The following PDLIM2 variants were observed in gnomAD, a reference collection of about 807,000 sequenced individuals.
The protein encoded by PDLIM2 is PDZ and LIM domain protein 2.
In PDLIM2, 51 loss-of-function variants were observed where a neutral mutation model predicts 54.1. The observed-to-expected ratio is 0.94, with a 90% CI of 0.75 to 1.19. The LOEUF is 1.19. PDLIM2 is among the 50% of genes most tolerant of loss of function. The pLI is 0.00. For synonymous variants in PDLIM2, 398 were observed against 385.6 expected, an observed-to-expected ratio of 1.03 and a Z score of -0.38; for missense variants, 912 against 874.0, an observed-to-expected ratio of 1.04 and a Z score of -0.55.
downstream of PDLIM2, chr8:22,594,424 C>T (rs1275835152): frequency 3.2e-5 from 50 of 1,586,240 alleles, no homozygotes; most frequent in Non-Finnish European, 4.0e-5. Flanking sequence ...AAATCCCACC[C>T]CTGCCAGTTG....
At chr8:22,579,198 C>G in exon 1 of PDLIM2, 1 of 1,385,172 alleles carries the variant, frequency 7.2e-7, no homozygotes, top group African/African-American at 1.5e-5. Flanking sequence ...GCCTGGGCGC[C>G]CAGCCGGACA....
exon 9 of PDLIM2, chr8:22,591,600 G>T: frequency 1.2e-6 from 2 of 1,613,590 alleles, no homozygotes; most frequent in Non-Finnish European, 1.7e-6. Flanking sequence ...AGTCCTCCCT[G>T]CCCGCCTCCA....
intron 5 of PDLIM2, 60 bp from the exon 5 acceptor site, chr8:22,585,261 C>T: frequency 1.9e-6 from 3 of 1,600,848 alleles, no homozygotes; most frequent in Non-Finnish European, 2.6e-6. Context: ...CCCGGGGCAG[C>T]ATCCTCCCTG....
exon 3 of PDLIM2, chr8:22,581,420 T>A (rs1800199620): frequency 6.2e-7 from 1 of 1,608,122 alleles, no homozygotes; most frequent in Non-Finnish European, 8.5e-7. Context: ...ACCTCCGGCC[T>A]GGAGACATAA....
chr8:22,591,526 A>G, intron 8 of PDLIM2, 25 bp from the exon 8 acceptor site: 1 of 1,602,228 alleles, frequency 6.2e-7, no homozygotes, highest in Non-Finnish European at 8.5e-7. Context: ...GGCTCTCACC[A>G]CATGTCTGTC....
At chr8:22,589,624 C>G in exon 8 of PDLIM2, 1 of 1,600,490 alleles carries the variant, frequency 6.2e-7, no homozygotes, top group Non-Finnish European at 8.5e-7. Context: ...AAGCCTCCTC[C>G]TGGACGAGGA....
rs1800322136 is a variant in PDLIM2, at chr8:22,584,806, C to T, written c.996-15C>T. On this transcript the variant is annotated splice_polypyrimidine_tract_variant and intron_variant, in intron 3 of 9. Coordinates refer to ENST00000308354, the Ensembl canonical transcript of PDLIM2. ...AGGGCCCCTGTGACATTCCCTCCCT[C>T]TGTTGCCTTCTCAGGTCTCAGGCTA... The T allele has an allele frequency of 1.2e-6, 2 of 1,613,740 alleles. No individual in the cohort carries two copies. The highest frequency in any genetic ancestry group is 1.7e-6 in the Non-Finnish European group (2 of 1,179,632).
At chr8:22,586,827 C>G (rs568450939) in intron 6 of PDLIM2, among the ~76,000 whole-genome samples, 1 of 152,268 alleles carries the variant, frequency 6.6e-6, no homozygotes, top group East Asian at 1.9e-4. Flanking sequence ...CCCAAACCAG[C>G]GGCAACACCT....
chr8:22,581,253 G>C lies in PDLIM2; in HGVS notation c.844-126G>C. The C allele has an allele frequency of 2.4e-6, 3 of 1,236,704 alleles. No individual in the cohort carries two copies. The South Asian group carries it at 4.3e-5, about 18-fold the overall frequency. 76.6% of individuals were successfully genotyped at this position (1,236,704 alleles called of 1,614,324 possible). A position where few individuals can be genotyped will look rare whatever the true frequency, so the allele number is the denominator to read the frequency against. On this transcript the variant is annotated intron_variant, in intron 2 of 9. Transcript: ENST00000308354. ...CAGCTGGGTGTCATGAGCAGGCAGA[G>C]GGACATGCAGGAGGGTGCAGGCCGG...
At chr8:22,592,687 C>T (rs1800586075) in intron 9 of PDLIM2, 1 of 152,080 alleles carries the variant, frequency 6.6e-6, no homozygotes, top group East Asian at 1.9e-4. Context: ...GATGGCTGGG[C>T]CCCACCCCAG....
intron 6 of PDLIM2, among the ~76,000 whole-genome samples, chr8:22,586,120 A>G (rs1202258296): frequency 1.3e-5 from 2 of 152,150 alleles, no homozygotes; most frequent in Non-Finnish European, 2.9e-5. Context: ...GATATGGCCC[A>G]GCTGCTGAGC....
chr8:22,580,412 G>C (rs1800154019), intron 1 of PDLIM2, 63 bp from the exon 1 acceptor site: 1 of 1,357,014 alleles, frequency 7.4e-7, no homozygotes, highest in East Asian at 2.6e-5. Context: ...GCTTCCCAGG[G>C]TGGGGGGAAG....
chr8:22,583,618 T>C (rs1800276900), intron 3 of PDLIM2, among the ~76,000 whole-genome samples: 1 of 151,672 alleles, frequency 6.6e-6, no homozygotes, highest in Admixed American at 6.6e-5. Flanking sequence ...ATACAAAAAT[T>C]AGCCGGGCAT....
chr8:22,581,636 C>T (rs976411328), intron 3 of PDLIM2, 106 bp downstream of exon 2: 74 of 1,414,442 alleles, frequency 5.2e-5, no homozygotes, highest in Non-Finnish European at 6.1e-5. Context: ...AGCCCTAAAG[C>T]GGCCTTCTTG....
intron 3 of PDLIM2, among the ~76,000 whole-genome samples, chr8:22,583,966 AC>A (rs1800291028): frequency 6.6e-6 from 1 of 151,272 alleles, no homozygotes; most frequent in African/African-American, 2.4e-5. Context: ...ACTTTTTAGA[AC>A]CAAACTATCC....
chr8:22,581,412 C>G, exon 3 of PDLIM2: 1 of 1,607,594 alleles, frequency 6.2e-7, no homozygotes, highest in Non-Finnish European at 8.5e-7. Context: ...GGACGCTGAC[C>G]TCCGGCCTGG....
chr8:22,585,304 C>A lies in PDLIM2; in HGVS notation c.1212-17C>A, dbSNP rs1431322805. ...TGGGGGTGGCCCTGGCACACACTGTCCCTTTCCCACTTTCAGCTTCCAGAG... is the reference window on the plus strand; with the variant it reads ...TGGGGGTGGCCCTGGCACACACTGTACCTTTCCCACTTTCAGCTTCCAGAG... On this transcript the variant is annotated splice_polypyrimidine_tract_variant and intron_variant, in intron 5 of 9. Transcript: ENST00000308354. 4 of 1,612,714 alleles carry A rather than the reference C, an allele frequency of 2.5e-6. No individual in the cohort carries two copies. Among genetic ancestry groups the A allele is most frequent in the Non-Finnish European group, 3.4e-6 (4 of 1,179,766 alleles).
chr8:22,580,736 A>G (rs1336735924), intron 2 of PDLIM2, 39 bp downstream of exon 1: 2 of 1,602,938 alleles, frequency 1.2e-6, no homozygotes, highest in Admixed American at 3.4e-5. Context: ...AGGTCCTGCC[A>G]GAAGCGAGGT....
At chr8:22,579,259 C>T in exon 1 of PDLIM2, 1 of 1,356,800 alleles carries the variant, frequency 7.4e-7, no homozygotes, top group Non-Finnish European at 9.4e-7. Context: ...CCGCGCGGCC[C>T]GCCCTCCCCG....
Sources: gnomAD v4.1 joint callset for allele counts (sites outside exome capture counted in the v4.1 genomes callset) on GRCh38, gnomAD v4.1.1 for gene constraint, MANE v1.5 for transcripts, NCBI Gene and HGNC (gene_info 2026-07-23, HGNC 2026-07-21) for gene names.